The following CCDC12 variants were observed in gnomAD, a reference collection of about 807,000 sequenced individuals.
CCDC12 encodes coiled-coil domain containing 12, also known as coiled-coil domain-containing protein 12.
Under a neutral mutation model 25.7 loss-of-function variants are expected in CCDC12, and 28 were observed. That is an observed-to-expected ratio of 1.09 (90% CI 0.81 to 1.50). CCDC12 has a LOEUF of 1.50. Among genes scored for constraint, CCDC12 ranks in the 40% most tolerant of loss-of-function variants. The pLI, the probability that CCDC12 is intolerant of heterozygous loss-of-function variation, is 0.00. For synonymous variants in CCDC12, 75 were observed against 87.7 expected (o/e 0.86, Z 0.81); for missense variants, 198 against 210.0 (o/e 0.94, Z 0.35).
chr3:46,972,282 AAC>A (rs1441082143), intron 1 of CCDC12, among the ~76,000 whole-genome samples: 3 of 152,204 alleles, frequency 2.0e-5, no homozygotes, highest in African/African-American at 4.8e-5. Flanking sequence ...CAGCTTGGGA[AAC>A]ACAGTGAGAC....
At chr3:46,949,278 C>T (rs868205475) in intron 1 of CCDC12, among the ~76,000 whole-genome samples, 2 of 152,048 alleles carry the variant, frequency 1.3e-5, no homozygotes, top group African/African-American at 2.4e-5. Context: ...GACAGAGGGA[C>T]GGAGGGGGAA....
chr3:46,926,726 C>G (rs2032976074), intron 2 of CCDC12, among the ~76,000 whole-genome samples: 1 of 152,120 alleles, frequency 6.6e-6, no homozygotes, highest in Non-Finnish European at 1.5e-5. Flanking sequence ...CAGGAGTGGC[C>G]CCTCAGATGC....
At chr3:46,973,902 G>A (rs368639926) in intron 1 of CCDC12, among the ~76,000 whole-genome samples, 12 of 152,112 alleles carry the variant, frequency 7.9e-5, no homozygotes, top group East Asian at 1.9e-4. Context: ...GTGAGCCACC[G>A]CACCAGGCCT....
intron 1 of CCDC12, chr3:46,976,386 A>T: frequency 7.2e-7 from 1 of 1,395,884 alleles, no homozygotes; most frequent in Non-Finnish European, 9.3e-7. Flanking sequence ...AGTCAGATGG[A>T]CTGCGGGTCG....
intron 2 of CCDC12, among the ~76,000 whole-genome samples, chr3:46,927,808 T>C (rs2033030565): frequency 6.6e-6 from 1 of 152,086 alleles, no homozygotes; most frequent in African/African-American, 2.4e-5. Context: ...TGTGATCGCG[T>C]GAAAATGGTG....
intron 1 of CCDC12, among the ~76,000 whole-genome samples, chr3:46,948,415 G>A (rs1191033212): frequency 6.6e-6 from 1 of 152,244 alleles, no homozygotes; most frequent in Admixed American, 6.5e-5. Context: ...GTCAACAGCG[G>A]TGGACTAGAA....
At chr3:46,978,093 T>A (rs2035060474), upstream of CCDC12, among the ~76,000 whole-genome samples, 1 of 152,182 alleles carries the variant, frequency 6.6e-6, no homozygotes, top group Non-Finnish European at 1.5e-5. Flanking sequence ...CTTCCCAAGC[T>A]GGCTACAGGT....
intron 1 of CCDC12, among the ~76,000 whole-genome samples, chr3:46,962,696 C>A (rs1479686352): frequency 6.6e-6 from 1 of 152,082 alleles, no homozygotes; most frequent in Non-Finnish European, 1.5e-5. Flanking sequence ...TGCCACTATA[C>A]CTCCACCAGC....
intron 1 of CCDC12, among the ~76,000 whole-genome samples, chr3:46,951,827 A>ATATATATATATATATATATAT (rs1328099662): frequency 9.5e-6 from 1 of 105,778 alleles, no homozygotes; most frequent in African/African-American, 3.5e-5. Flanking sequence ...ATATATACTT[A>ATATATATATATATATATATAT]ATGAGGATCA....
chr3:46,976,146 T>G (rs537292513), intron 1 of CCDC12: 93 of 232,598 alleles, frequency 4.0e-4, no homozygotes, highest in African/African-American at 2.0e-3. Context: ...GTGCCCGGCC[T>G]CTTTTTGATT....
chr3:46,940,219 C>A (rs374016761), intron 2 of CCDC12, among the ~76,000 whole-genome samples: 1 of 152,194 alleles, frequency 6.6e-6, no homozygotes, highest in East Asian at 1.9e-4. Context: ...CAACAGTTTC[C>A]AGGCTCCAGA....
chr3:46,968,504 G>A (rs1205166937), intron 1 of CCDC12, among the ~76,000 whole-genome samples: 1 of 152,168 alleles, frequency 6.6e-6, no homozygotes, highest in African/African-American at 2.4e-5. Flanking sequence ...TTCATAGACA[G>A]CATCTTTCTC....
chr3:46,966,523 AAAAGAAAG>A (rs538285227), intron 1 of CCDC12, among the ~76,000 whole-genome samples: 1 of 151,640 alleles, frequency 6.6e-6, no homozygotes, highest in African/African-American at 2.4e-5. Flanking sequence ...CTCAAAAAAA[AAAAGAAAG>A]AAAGAAAGAA....
chr3:46,979,533 A>AAG (rs1559573178), upstream of CCDC12: 586 of 194,532 alleles, frequency 3.0e-3, 4 homozygotes, highest in African/African-American at 0.013. Flanking sequence ...GGGGCAGGGC[A>AAG]GCGGGGCACC....
rs2107138629 is a variant in CCDC12 at position 46,941,172 on chromosome 3, C to A, written c.97-107G>T. ...GACATCTCAGAAGGGGGGCACCTGG[C>A]AGGGCCCAGCTTGGTGTCCCAGACT... On this transcript the variant is annotated intron_variant, in intron 1 of 6. Coordinates refer to ENST00000683445, the MANE Select transcript of CCDC12 (RefSeq NM_001277074.2). 5 of 1,028,310 alleles carry A rather than the reference C, an allele frequency of 4.9e-6. No individual in the cohort carries two copies. In the East Asian group the frequency reaches 9.5e-5, roughly 20 times the overall value. The allele number at this position is 1,028,310 out of a possible 1,614,324, so 63.7% of individuals were successfully genotyped here.
chr3:46,979,851 C>A (rs1352446225), upstream of CCDC12: 1 of 452,546 alleles, frequency 2.2e-6, no homozygotes, highest in Non-Finnish European at 3.9e-6. Flanking sequence ...GGGCCGGAGC[C>A]GGGCCGGGCC....
chr3:46,940,836 C>G, intron 2 of CCDC12, 162 bp downstream of exon 2: 1 of 671,338 alleles, frequency 1.5e-6, no homozygotes, highest in Non-Finnish European at 2.7e-6. Flanking sequence ...CAAGGGCCTT[C>G]TGAGATGTTG....
At chr3:46,943,642 T>C (rs4683288) in intron 1 of CCDC12, among the ~76,000 whole-genome samples, 132,955 of 152,254 alleles carry the variant, frequency 0.87, 60,944 homozygotes, top group East Asian at 1. Flanking sequence ...CAAACAGCTG[T>C]CACCACCCTC....
At chr3:46,978,652 C>T (rs546618666), upstream of CCDC12, among the ~76,000 whole-genome samples, 4 of 151,976 alleles carry the variant, frequency 2.6e-5, no homozygotes, top group African/African-American at 2.4e-5. Context: ...CCCAAGTGGT[C>T]CTCATTTGGT....
Sources: gnomAD v4.1 joint callset for allele counts (sites outside exome capture counted in the v4.1 genomes callset) on GRCh38, gnomAD v4.1.1 for gene constraint, MANE v1.5 for transcripts, NCBI Gene and HGNC (gene_info 2026-07-23, HGNC 2026-07-21) for gene names.